The following NELL2 variants were observed in gnomAD, a reference collection of about 807,000 sequenced individuals.
The protein encoded by NELL2 is neural EGFL like 2.
A neutral mutation model predicts 109.6 loss-of-function variants in NELL2; 41 were observed. The observed-to-expected ratio is 0.37, with a 90% confidence interval of 0.29 to 0.49. NELL2 has a LOEUF of 0.49. Among genes scored for constraint, NELL2 ranks in the 20% least tolerant of loss-of-function variants. The pLI, the probability that NELL2 is intolerant of heterozygous loss-of-function variation, is 0.98. For missense variants in NELL2, 900 were observed against 1,008.3 expected, an observed-to-expected ratio of 0.89 and a Z score of 1.45; for synonymous variants, 355 against 344.7, an observed-to-expected ratio of 1.03 and a Z score of -0.33.
At chr12:44,865,353 C>G (rs947872817) in intron 2 of NELL2, among the ~76,000 whole-genome samples, 20 of 145,248 alleles carry the variant, frequency 1.4e-4, no homozygotes, top group Middle Eastern at 3.4e-3. Flanking sequence ...GCTCTAAAGA[C>G]ACATGCACAC....
chr12:44,564,055 C>T (rs1283080703), intron 15 of NELL2, among the ~76,000 whole-genome samples: 4 of 152,120 alleles, frequency 2.6e-5, no homozygotes, highest in Non-Finnish European at 5.9e-5. Flanking sequence ...AAATGAATGA[C>T]TTTGTGATAA....
chr12:44,717,503 T>A (rs1036337656), intron 9 of NELL2, among the ~76,000 whole-genome samples: 1 of 152,128 alleles, frequency 6.6e-6, no homozygotes, highest in Non-Finnish European at 1.5e-5. Context: ...TATGATTAAA[T>A]AATCCATAAG....
intron 3 of NELL2, among the ~76,000 whole-genome samples, chr12:44,797,803 T>G (rs1390978009): frequency 6.8e-6 from 1 of 147,984 alleles, no homozygotes; most frequent in Non-Finnish European, 1.5e-5. Flanking sequence ...CTTTGACAAA[T>G]TTTTATTCCA....
intron 13 of NELL2, among the ~76,000 whole-genome samples, chr12:44,636,304 G>C (rs1946633394): frequency 6.6e-6 from 1 of 152,108 alleles, no homozygotes; most frequent in Non-Finnish European, 1.5e-5. Flanking sequence ...GCCCTGGCCA[G>C]AACTTCCAAT....
intron 2 of NELL2, among the ~76,000 whole-genome samples, chr12:44,850,231 TA>T (rs1008129925): frequency 1.3e-5 from 2 of 152,248 alleles, no homozygotes; most frequent in African/African-American, 4.8e-5. Flanking sequence ...TTAGTAGTCC[TA>T]AAAAATAGTT....
intron 9 of NELL2, among the ~76,000 whole-genome samples, chr12:44,757,879 G>A (rs1940956541): frequency 1.3e-5 from 2 of 152,236 alleles, no homozygotes; most frequent in African/African-American, 4.8e-5. Flanking sequence ...ACTGGAGTAT[G>A]ATGTAATTAA....
chr12:44,758,956 T>C (rs1021038291), intron 9 of NELL2, among the ~76,000 whole-genome samples: 3 of 152,158 alleles, frequency 2.0e-5, no homozygotes, highest in South Asian at 2.1e-4. Context: ...TGCTTGAACA[T>C]AGATGGCCTC....
intron 15 of NELL2, among the ~76,000 whole-genome samples, chr12:44,596,013 TG>T (rs919596162): frequency 6.4e-4 from 97 of 152,326 alleles, no homozygotes; most frequent in African/African-American, 2.2e-3. Flanking sequence ...CAATTTCTTC[TG>T]GGGTTACCAT....
chr12:44,757,017 T>A (rs553445464), intron 9 of NELL2, among the ~76,000 whole-genome samples: 1 of 152,162 alleles, frequency 6.6e-6, no homozygotes. Flanking sequence ...TGGCCAAAAG[T>A]GAACTCAAAA....
intron 18 of NELL2, among the ~76,000 whole-genome samples, chr12:44,521,215 G>A (rs1941511359): frequency 1.3e-5 from 2 of 152,062 alleles, no homozygotes; most frequent in African/African-American, 4.8e-5. Flanking sequence ...TGTATTTATT[G>A]CATATCCATA....
intron 13 of NELL2, among the ~76,000 whole-genome samples, chr12:44,612,068 TATTTG>T (rs1209806389): frequency 6.6e-6 from 1 of 152,028 alleles, no homozygotes; most frequent in African/African-American, 2.4e-5. Context: ...AGCAATGAAA[TATTTG>T]ATTTAACTTT....
At chr12:44,875,022 A>C in intron 2 of NELL2, 2 of 603,624 alleles carry the variant, frequency 3.3e-6, no homozygotes, top group Non-Finnish European at 5.5e-6. Flanking sequence ...CAAGAGTACA[A>C]AGTACGAAGG....
At chr12:44,857,034 A>G (rs910973733) in intron 2 of NELL2, among the ~76,000 whole-genome samples, 10 of 152,194 alleles carry the variant, frequency 6.6e-5, no homozygotes, top group African/African-American at 2.2e-4. Flanking sequence ...ATTATAATAC[A>G]GTGTGGTGGG....
intron 9 of NELL2, among the ~76,000 whole-genome samples, chr12:44,760,693 G>T (rs747897623): frequency 1.3e-5 from 2 of 152,138 alleles, no homozygotes; most frequent in Admixed American, 6.5e-5. Flanking sequence ...TGGTTAATTT[G>T]TTTGACCAAA....
intron 3 of NELL2, among the ~76,000 whole-genome samples, chr12:44,797,858 AACC>A (rs1942678336): frequency 3.7e-5 from 5 of 135,292 alleles, no homozygotes; most frequent in African/African-American, 1.1e-4. Flanking sequence ...GATGGAATAA[AACC>A]ATTCCATCCT....
chr12:44,605,720 T>C (rs186964881), intron 15 of NELL2, among the ~76,000 whole-genome samples: 1 of 152,206 alleles, frequency 6.6e-6, no homozygotes, highest in African/African-American at 2.4e-5. Flanking sequence ...CTTCACACCA[T>C]TGAAATGTCC....
intron 12 of NELL2, among the ~76,000 whole-genome samples, chr12:44,698,551 G>T (rs1949129688): frequency 6.6e-6 from 1 of 152,136 alleles, no homozygotes; most frequent in African/African-American, 2.4e-5. Flanking sequence ...CTAAACAGGT[G>T]ACATGAAGTG....
chr12:44,868,696 T>C (rs1189253697), intron 2 of NELL2, among the ~76,000 whole-genome samples: 2 of 152,130 alleles, frequency 1.3e-5, no homozygotes, highest in South Asian at 4.1e-4. Flanking sequence ...GTTGAACTTA[T>C]AGGAGCAGAA....
At chr12:44,757,952 G>C (rs939141768) in intron 9 of NELL2, among the ~76,000 whole-genome samples, 1 of 151,984 alleles carries the variant, frequency 6.6e-6, no homozygotes, top group Admixed American at 6.6e-5. Context: ...AAGCAGAAGG[G>C]ATATGGGGAT....
Sources: gnomAD v4.1 joint callset for allele counts (sites outside exome capture counted in the v4.1 genomes callset) on GRCh38, gnomAD v4.1.1 for gene constraint, MANE v1.5 for transcripts, NCBI Gene and HGNC (gene_info 2026-07-23, HGNC 2026-07-21) for gene names.